Variants in MYORG observed in about 807,000 individuals in gnomAD.
MYORG encodes the protein myogenesis regulating glycosidase.
In MYORG, 45 loss-of-function variants were observed where a neutral mutation model predicts 49.8. The ratio of observed to expected loss-of-function variants is 0.90; its 90% CI spans 0.71 to 1.16. The LOEUF (loss-of-function observed/expected upper bound fraction) is 1.16. Ranked by LOEUF, MYORG falls within the 50% of genes most tolerant of loss-of-function variation. MYORG has a pLI of 0.00. For synonymous variants in MYORG, 552 were observed against 462.9 expected (o/e 1.19, Z -2.47); for missense variants, 1,110 against 1,026.5 (o/e 1.08, Z -1.11).
At position 34,368,157 on chromosome 9, in the gene MYORG, A is replaced by C. The variant is rs1164418283; in HGVS notation, c.*2642T>G. Reference sequence around the variant, plus strand: ...AGAGCAGCTGGGATGCATGGTACCAAGTCCCTGGGCTGCACACAGCAAGGG... The same window carrying C: ...AGAGCAGCTGGGATGCATGGTACCACGTCCCTGGGCTGCACACAGCAAGGG... On this transcript the variant is annotated 3_prime_UTR_variant, in exon 2 of 2. Transcript: ENST00000297625. 1.3e-5 allele frequency: 2 copies of C among 152,266 alleles called. No homozygotes were observed. Among genetic ancestry groups the C allele is most frequent in the Non-Finnish European group, 2.9e-5 (2 of 68,068 alleles). 9.4% of individuals were successfully genotyped at this position (152,266 alleles called of 1,614,324 possible).
Position 34,367,784 on chromosome 9 carries a change from T to C in MYORG, c.*3015A>G, listed in dbSNP as rs548596249. 1.3e-5 allele frequency: 2 copies of C among 152,330 alleles called. No individual in the cohort carries two copies. The highest frequency in any genetic ancestry group is 2.9e-5 in the Non-Finnish European group (2 of 68,064). 9.4% of individuals were successfully genotyped at this position (152,330 alleles called of 1,614,324 possible). A position where few individuals can be genotyped will look rare whatever the true frequency, so the allele number is the denominator to read the frequency against. ...AGTGTCTGTGGCTTTTCCAGGTGCA[T>C]GGTGCAAGCTGTCAGTGGATATACC... On this transcript the variant is annotated 3_prime_UTR_variant, in exon 2 of 2. Coordinates refer to ENST00000297625, the MANE Select transcript of MYORG (RefSeq NM_020702.5).
In MYORG at chr9:34,372,798, T is replaced by C; in HGVS notation, c.146A>G (p.Lys49Arg). ...LPDNFSPAKP[K>R]PSKDLKPLLG... ...CAGCGGCTTCAGGTCTTTGGAAGGC[T>C]TGGGCTTGGCAGGTGAGAAGTTGTC... Residue 49 changes from lysine to arginine, a missense_variant, in exon 2 of 2, where the codon AAG becomes AGG. Transcript: ENST00000297625. 6.2e-7 allele frequency: 1 copy of C among 1,614,000 alleles called. No individual in the cohort carries two copies.
chr9:34,371,623 G>A lies in MYORG; in HGVS notation c.1321C>T (p.Arg441Cys), dbSNP rs749427106. The part of the protein sequence containing the change: ...AVLDFTHPKA[R>C]DWFQGHLRRL... ...CGCAGGTGTCCCTGGAACCAGTCGC[G>A]GGCCTTTGGGTGCGTGAAGTCTAGC... Residue 441 changes from arginine to cysteine, a missense_variant, in exon 2 of 2, where the codon CGC (arginine) becomes TGC (cysteine). Arg to Cys is a radical substitution (Grantham distance 180, BLOSUM62 -3). Coordinates refer to ENST00000297625, the MANE Select transcript of MYORG (RefSeq NM_020702.5). The A allele has an allele frequency of 2.5e-6, 4 of 1,605,354 alleles. No individual in the cohort carries two copies. Among genetic ancestry groups the A allele is most frequent in the Non-Finnish European group, 2.5e-6 (3 of 1,177,558 alleles).
At position 34,369,640 on chromosome 9, in the gene MYORG, G is replaced by C. The variant is rs911148889; in HGVS notation, c.*1159C>G. The C allele has an allele frequency of 2.7e-5, 4 of 150,632 alleles. No homozygotes were observed. The highest frequency in any genetic ancestry group is 9.8e-5 in the African/African-American group (4 of 40,948). 9.3% of individuals were successfully genotyped at this position (150,632 alleles called of 1,614,324 possible). ...CCACTGCACTCCAACCTGGGTGACA[G>C]AGCAAGACTCCATCTAAGGGGGGGC... On this transcript the variant is annotated 3_prime_UTR_variant, in exon 2 of 2. Transcript: ENST00000297625.
rs754187377 is a variant in MYORG at position 34,372,823 on chromosome 9, C to G, written c.121G>C (p.Asp41His). The G allele has an allele frequency of 1.9e-6, 3 of 1,614,010 alleles. No individual in the cohort carries two copies. Among genetic ancestry groups the G allele is most frequent in the South Asian group, 2.2e-5 (2 of 91,086 alleles). The stretch of plus-strand genomic sequence containing the variant: ...TTGGGCTTGGCAGGTGAGAAGTTGT[C>G]GGGCAGGAAGGTGTACATAGCTGCG... ...AAAAMYTFLP[D>H]NFSPAKPKPS... Residue 41 changes from aspartate (D) to histidine (H), a missense_variant, in exon 2 of 2, where the codon GAC becomes CAC. Coordinates refer to ENST00000297625, the MANE Select transcript of MYORG (RefSeq NM_020702.5).
chr9:34,370,709 G>T lies in MYORG; in HGVS notation c.*90C>A. 6.9e-7 allele frequency: 1 copy of T among 1,451,546 alleles called. No individual in the cohort carries two copies. The highest frequency in any genetic ancestry group is 9.1e-7 in the Non-Finnish European group (1 of 1,097,502). 89.9% of individuals were successfully genotyped at this position (1,451,546 alleles called of 1,614,324 possible). A position where few individuals can be genotyped will look rare whatever the true frequency, so the allele number is the denominator to read the frequency against. On this transcript the variant is annotated 3_prime_UTR_variant, in exon 2 of 2. Coordinates refer to ENST00000297625, the MANE Select transcript of MYORG (RefSeq NM_020702.5). ...TTAATGGGTGGTATAGAGGTGGGAG[G>T]TTCCTGGGAGTACATGGTGCGGGTG...
At position 34,371,526 on chromosome 9, in the gene MYORG, T is replaced by A. The variant is rs1820598140; in HGVS notation, c.1418A>T (p.Asp473Val). The A allele has an allele frequency of 1.2e-6, 2 of 1,607,822 alleles. No individual in the cohort carries two copies. Among genetic ancestry groups the A allele is most frequent in the South Asian group, 2.2e-5 (2 of 90,974 alleles). ...DAGEVSYLPR[D>V]FSTYRPLPDP... ...CGGCAGCGGCCGGTAGGTGCTGAAG[T>A]CCCGCGGCAGGTAGCTGACCTCGCC... The change falls in exon 2 of 2, where the codon GAC (aspartate) becomes GTC (valine). Residue 473 changes from aspartate to valine, a missense_variant. Asp to Val is a radical substitution (Grantham distance 152). Coordinates refer to ENST00000297625, the MANE Select transcript of MYORG (RefSeq NM_020702.5).
At position 34,372,524 on chromosome 9, in the gene MYORG, C is replaced by T. The variant is rs1439365688; in HGVS notation, c.420G>A (p.Gly140=). 1 of 1,600,686 alleles carries T rather than the reference C, an allele frequency of 6.2e-7. No individual in the cohort carries two copies. Among genetic ancestry groups the T allele is most frequent in the South Asian group, 1.1e-5 (1 of 89,578 alleles). The change falls in exon 2 of 2, where the codon GGG becomes GGA. Residue 140 remains glycine, a synonymous_variant. Coordinates refer to ENST00000297625, the MANE Select transcript of MYORG (RefSeq NM_020702.5). Reference sequence around the variant, plus strand: ...TCTGGATGAAGAAGTGCAGCGGCAGCCCGTCGGCCGTGAGCGAGCAGCCCA... The same window carrying T: ...TCTGGATGAAGAAGTGCAGCGGCAGTCCGTCGGCCGTGAGCGAGCAGCCCA... ...ALLGCSLTAD[G]LPLHFFIQTV...
rs903529537 is a variant in MYORG, at chr9:34,376,172, C to T, written c.-64+621G>A. Among the ~76,000 whole-genome samples the T allele has an allele frequency of 1.3e-5, 2 of 152,214 alleles. No homozygotes were observed. Among genetic ancestry groups the T allele is most frequent in the Non-Finnish European group, 2.9e-5 (2 of 68,036 alleles). On this transcript the variant is annotated intron_variant, in intron 1 of 1. Transcript: ENST00000297625. This position sits in a 1 kb window ranked among gnomAD's most constrained non-coding sequence, Gnocchi z 4.4. ...GTCTTTCCAAGGGCTGGTGCTGCTG[C>T]TTGCTCCACGCGGACCACGAAGACC... is the stretch of plus-strand genomic sequence containing the variant.
chr9:34,372,702 G>C lies in MYORG; in HGVS notation c.242C>G (p.Ser81Cys), dbSNP rs1179274082. The change falls in exon 2 of 2, where the codon TCC (serine) becomes TGC (cysteine). Residue 81 changes from serine to cysteine, a missense_variant. Physicochemically the swap from Ser to Cys is moderately radical, Grantham distance 112 (BLOSUM62 -1). Coordinates refer to ENST00000297625, the MANE Select transcript of MYORG (RefSeq NM_020702.5). ...AVVAWCYYSV[S>C]LRKAERLRAE... ...GCGAAGTCGCTCCGCCTTGCGTAGG[G>C]AGACGCTGTAGTAGCACCAGGCCAC... 2 of 1,612,282 alleles carry C rather than the reference G, an allele frequency of 1.2e-6. No homozygotes were observed. Among genetic ancestry groups the C allele is most frequent in the Non-Finnish European group, 1.7e-6 (2 of 1,179,270 alleles).
intron 1 of MYORG, among the ~76,000 whole-genome samples, chr9:34,375,695 CCTG>C (rs1205921809): frequency 1.3e-5 from 2 of 152,198 alleles, no homozygotes; most frequent in Non-Finnish European, 2.9e-5. Flanking sequence ...TCTCATGAGC[CCTG>C]GAGGCAGGAA....
chr9:34,370,988 C>T lies in MYORG; in HGVS notation c.1956G>A (p.Ser652=), dbSNP rs761977487. The T allele has an allele frequency of 6.2e-6, 10 of 1,613,512 alleles. No individual in the cohort carries two copies. The highest frequency in any genetic ancestry group is 8.5e-6 in the Non-Finnish European group (10 of 1,179,900). The change falls in exon 2 of 2, where the codon TCG becomes TCA. Residue 652 remains serine (S), a synonymous_variant. Coordinates refer to ENST00000297625, the MANE Select transcript of MYORG (RefSeq NM_020702.5). ...PGDETAHRID[S]QFLIGDTLLV... ...GCAGCGTGTCCCCAATAAGGAACTG[C>T]GAGTCGATACGGTGAGCTGTCTCGT...
At chr9:34,373,833 C>A (rs2131883211) in intron 1 of MYORG, among the ~76,000 whole-genome samples, 1 of 152,270 alleles carries the variant, frequency 6.6e-6, no homozygotes, top group South Asian at 2.1e-4. Flanking sequence ...GAGAACAGCT[C>A]AGGGATGTGT....
chr9:34,370,931 C>T lies in MYORG; in HGVS notation c.2013G>A (p.Gln671=). 8 of 1,613,478 alleles carry T rather than the reference C, an allele frequency of 5.0e-6. No individual in the cohort carries two copies. The highest frequency in any genetic ancestry group is 6.8e-6 in the Non-Finnish European group (8 of 1,179,768). Residue 671 remains glutamine (Q), a synonymous_variant, in exon 2 of 2, where the codon CAG becomes CAA. Coordinates refer to ENST00000297625, the MANE Select transcript of MYORG (RefSeq NM_020702.5). ...LVAPVLEPGK[Q]ERDVYLPAGK... ...CGGCGGGCAAATAGACGTCGCGCTC[C>T]TGCTTGCCTGGCTCCAGCACCGGGG...
Position 34,371,656 on chromosome 9 carries a change from C to A in MYORG, c.1288G>T (p.Gly430Cys). The A allele has an allele frequency of 1.2e-6, 2 of 1,606,446 alleles. No homozygotes were observed. Among genetic ancestry groups the A allele is most frequent in the Non-Finnish European group, 1.7e-6 (2 of 1,176,794 alleles). ...PALVRWWNGI[G>C]AVLDFTHPKA... ...GGGTGCGTGAAGTCTAGCACCGCGC[C>A]GATGCCGTTCCACCAGCGCACCAGC... Residue 430 changes from glycine to cysteine, a missense_variant, in exon 2 of 2, where the codon GGC (glycine) becomes TGC (cysteine). By Grantham distance (159) the Gly-to-Cys change is radical. Coordinates refer to ENST00000297625, the MANE Select transcript of MYORG (RefSeq NM_020702.5).
Position 34,367,815 on chromosome 9 carries a change from G to C in MYORG, c.*2984C>G, listed in dbSNP as rs894175058. 5 of 152,232 alleles carry C rather than the reference G, an allele frequency of 3.3e-5. No homozygotes were observed. The highest frequency in any genetic ancestry group is 7.3e-5 in the Non-Finnish European group (5 of 68,080). The allele number at this position is 152,232 out of a possible 1,614,324, so 9.4% of individuals were successfully genotyped here. A position where few individuals can be genotyped will look rare whatever the true frequency, so the allele number is the denominator to read the frequency against. ...AAGCTGTCAGTGGATATACCATTCT[G>C]ATGTCTGGAGGACGGTGGCCTTCTT... On this transcript the variant is annotated 3_prime_UTR_variant, in exon 2 of 2. Transcript: ENST00000297625.
chr9:34,372,749 C>T lies in MYORG; in HGVS notation c.195G>A (p.Leu65=). 6.2e-7 allele frequency: 1 copy of T among 1,613,798 alleles called. No individual in the cohort carries two copies. The highest frequency in any genetic ancestry group is 8.5e-7 in the Non-Finnish European group (1 of 1,179,778). ...CCACCACCGCGGCCAGCACAAGCAGCAGCCCCAGAACCGCGGAGCCCAGCA... is the reference window on the plus strand; with the variant it reads ...CCACCACCGCGGCCAGCACAAGCAGTAGCCCCAGAACCGCGGAGCCCAGCA... ...KPLLGSAVLG[L]LLVLAAVVAW... The change falls in exon 2 of 2, where the codon CTG becomes CTA. Residue 65 remains leucine, a synonymous_variant. Transcript: ENST00000297625.
Position 34,368,246 on chromosome 9 carries a change from G to T in MYORG, c.*2553C>A, listed in dbSNP as rs181915123. 1 of 152,358 alleles carries T rather than the reference G, an allele frequency of 6.6e-6. No individual in the cohort carries two copies. Among genetic ancestry groups the T allele is most frequent in the East Asian group, 1.9e-4 (1 of 5,182 alleles). 9.4% of individuals were successfully genotyped at this position (152,358 alleles called of 1,614,324 possible). On this transcript the variant is annotated 3_prime_UTR_variant, in exon 2 of 2. Coordinates refer to ENST00000297625, the MANE Select transcript of MYORG (RefSeq NM_020702.5). ...TAGGCCTCCAGGCCTGTGATGGGAGGCACTGCTGCAAAGGTCTCTGACATG... is the reference window on the plus strand; with the variant it reads ...TAGGCCTCCAGGCCTGTGATGGGAGTCACTGCTGCAAAGGTCTCTGACATG...
Position 34,371,457 on chromosome 9 carries a change from G to A in MYORG, c.1487C>T (p.Pro496Leu), listed in dbSNP as rs2131878760. The change falls in exon 2 of 2, where the codon CCC (proline) becomes CTC (leucine). Residue 496 changes from proline to leucine, a missense_variant. Transcript: ENST00000297625. Reference sequence around the variant, plus strand: ...GCGCACCTCCGCCAGCGAGAAGAAGGGCAGCGCCATCTCAGTGTAGCGCCG... The same window carrying A: ...GCGCACCTCCGCCAGCGAGAAGAAGAGCAGCGCCATCTCAGTGTAGCGCCG... ...WSRRYTEMALPFFSLAEVRVG... is the reference protein window; with the variant it reads ...WSRRYTEMALLFFSLAEVRVG... 1 of 1,612,908 alleles carries A rather than the reference G, an allele frequency of 6.2e-7. No homozygotes were observed. The highest frequency in any genetic ancestry group is 1.6e-4 in the Middle Eastern group (1 of 6,062).
Sources: allele counts gnomAD v4.1 joint callset (sites outside exome capture counted in the v4.1 genomes callset), GRCh38; gene constraint gnomAD v4.1.1; non-coding constraint Gnocchi (gnomAD v3.1); transcripts MANE v1.5; gene names NCBI Gene and HGNC (gene_info 2026-07-23, HGNC 2026-07-21).